ZNF717: variants seen among roughly 807,000 people sequenced by gnomAD.
ZNF717 encodes zinc finger protein 717.
In ZNF717, 9 loss-of-function variants were observed where a neutral mutation model predicts 13.8. The observed-to-expected ratio is 0.65, with a 90% CI of 0.39 to 1.14. The LOEUF (loss-of-function observed/expected upper bound fraction) is 1.14. Among genes scored for constraint, ZNF717 ranks in the 50% most tolerant of loss-of-function variants. ZNF717 has a pLI of 0.01. For synonymous variants in ZNF717, 327 were observed against 364.1 expected (o/e 0.90, Z 1.16); for missense variants, 1,040 against 1,080.7 (o/e 0.96, Z 0.53).
chr3:75,737,629 T>C lies in ZNF717; in HGVS notation c.1994A>G (p.His665Arg), dbSNP rs1352400675. Residue 665 changes from histidine (H) to arginine (R), a missense_variant, in exon 5 of 5, where the codon CAC becomes CGC. By Grantham distance (29) the His-to-Arg change is conservative. This residue lies in a region of ZNF717 where 873 missense variants were observed against 832.8 expected (regional missense o/e 1.05). Coordinates refer to ENST00000652011, the MANE Select transcript of ZNF717 (RefSeq NM_001290208.3). ...GTTTTTCCCCGTGTGAGTTCTCTGG[T>C]GTATGGTGAGGAATGACTTGCGATG... The part of the protein sequence containing the change: ...TFHRKSFLTI[H>R]QRTHTGKNRM... 3 of 1,544,712 alleles carry C rather than the reference T, an allele frequency of 1.9e-6. No individual in the cohort carries two copies. Among genetic ancestry groups the C allele is most frequent in the South Asian group, 2.4e-5 (2 of 83,710 alleles).
At chr3:75,756,487 A>G (rs1295470115) in intron 2 of ZNF717, among the ~76,000 whole-genome samples, 1 of 152,264 alleles carries the variant, frequency 6.6e-6, no homozygotes, top group East Asian at 1.9e-4. Flanking sequence ...TCATGCAACA[A>G]ACACTTAGCC....
Position 75,747,935 on chromosome 3 carries a change from T to G in ZNF717, c.58-6199A>C, listed in dbSNP as rs1375411368. ...TTTTTGAAAAGATCAACAAAATTGA[T>G]AGACCACTAGCAAGACTGATAAAGA... On this transcript the variant is annotated intron_variant, in intron 2 of 4. Transcript: ENST00000652011. Among the ~76,000 whole-genome samples the G allele has an allele frequency of 1.4e-4, 22 of 152,194 alleles. 1 individual carries two copies. Among genetic ancestry groups the G allele is most frequent in the Middle Eastern group, 6.8e-3 (2 of 294 alleles).
chr3:75,770,298 C>T (rs1418648373), intron 2 of ZNF717, among the ~76,000 whole-genome samples: 5 of 152,236 alleles, frequency 3.3e-5, no homozygotes, highest in Non-Finnish European at 5.9e-5. Flanking sequence ...CGGTGGCTCA[C>T]GCCTGCAATC....
At chr3:75,772,834 C>G (rs113651106) in intron 2 of ZNF717, among the ~76,000 whole-genome samples, 1 of 152,040 alleles carries the variant, frequency 6.6e-6, no homozygotes, top group Non-Finnish European at 1.5e-5. Context: ...AAGTGACACC[C>G]CAGGATTCAG....
chr3:75,711,743 C>A (rs1476680160), intron 5 of ZNF717, among the ~76,000 whole-genome samples: 2 of 152,174 alleles, frequency 1.3e-5, no homozygotes, highest in African/African-American at 4.8e-5. Flanking sequence ...CAGAGTGAGA[C>A]CCTGTCTCAA....
At chr3:75,715,298 T>C (rs1938024630) in intron 5 of ZNF717, among the ~76,000 whole-genome samples, 1 of 152,250 alleles carries the variant, frequency 6.6e-6, no homozygotes, top group Non-Finnish European at 1.5e-5. Flanking sequence ...GCAAATCTAT[T>C]TTCTGTTTGC....
exon 6 of ZNF717, chr3:75,730,596 A>G (rs1309764731): frequency 1.4e-6 from 1 of 701,692 alleles, no homozygotes; most frequent in Non-Finnish European, 2.6e-6. Flanking sequence ...ATACAGTTCC[A>G]GAGTTCACAA....
chr3:75,696,931 C>T, intron 6 of ZNF717, among the ~76,000 whole-genome samples: 1 of 151,982 alleles, frequency 6.6e-6, no homozygotes, highest in Non-Finnish European at 1.5e-5. Context: ...GGACAAAATC[C>T]ATATAATCAT....
chr3:75,732,139 G>C (rs1938617009), downstream of ZNF717: 2 of 702,744 alleles, frequency 2.8e-6, no homozygotes, highest in African/African-American at 3.5e-5. Context: ...AAGGAAAAAG[G>C]AAAACCATCT....
At chr3:75,778,112 C>T (rs148985942) in intron 2 of ZNF717, among the ~76,000 whole-genome samples, 164 of 147,406 alleles carry the variant, frequency 1.1e-3, no homozygotes, top group African/African-American at 2.9e-3. Context: ...GTGCTAAAAC[C>T]GGAACCCAAA....
intron 2 of ZNF717, among the ~76,000 whole-genome samples, chr3:75,774,124 T>C (rs1453999933): frequency 2.0e-5 from 3 of 151,430 alleles, no homozygotes; most frequent in Non-Finnish European, 4.4e-5. Flanking sequence ...TTTCTCTCTT[T>C]AAAGAAGATT....
rs1575772629 is a variant in ZNF717 at position 75,739,321 on chromosome 3, A to G, written c.302T>C (p.Ile101Thr). Residue 101 changes from isoleucine to threonine, a missense_variant, in exon 5 of 5, where the codon ATT (isoleucine) becomes ACT (threonine). Coordinates refer to ENST00000652011, the MANE Select transcript of ZNF717 (RefSeq NM_001290208.3). Reference sequence around the variant, plus strand: ...ATCATGACTTTCATGGCTCCTTTCAATAAGGTCATCAATGATCTGGACAGC... The same window carrying G: ...ATCATGACTTTCATGGCTCCTTTCAGTAAGGTCATCAATGATCTGGACAGC... ...LSAVQIIDDL[I>T]ERSHESHDRF... 1 of 1,488,998 alleles carries G rather than the reference A, an allele frequency of 6.7e-7. No individual in the cohort carries two copies. Among genetic ancestry groups the G allele is most frequent in the Non-Finnish European group, 8.9e-7 (1 of 1,120,716 alleles). The allele number at this position is 1,488,998 out of a possible 1,614,324, so 92.2% of individuals were successfully genotyped here. A position where few individuals can be genotyped will look rare whatever the true frequency, so the allele number is the denominator to read the frequency against.
At chr3:75,696,321 G>T (rs1478065487) in intron 6 of ZNF717, among the ~76,000 whole-genome samples, 2 of 152,352 alleles carry the variant, frequency 1.3e-5, no homozygotes, top group African/African-American at 4.8e-5. Flanking sequence ...AATTAAAAAA[G>T]TCTGTAGGAC....
chr3:75,727,853 C>T (rs1190100308), downstream of ZNF717, among the ~76,000 whole-genome samples: 9 of 152,332 alleles, frequency 5.9e-5, no homozygotes, highest in African/African-American at 2.2e-4. Context: ...TAAAAACTGG[C>T]TGGTTTTGTA....
Position 75,741,716 on chromosome 3 carries a change from C to G in ZNF717, c.78G>C (p.Glu26Asp). The G allele has an allele frequency of 1.3e-6, 2 of 1,515,782 alleles. No homozygotes were observed. Among genetic ancestry groups the G allele is most frequent in the Non-Finnish European group, 1.8e-6 (2 of 1,127,738 alleles). 93.9% of individuals were successfully genotyped at this position (1,515,782 alleles called of 1,614,324 possible). Residue 26 changes from glutamate (E) to aspartate (D), a missense_variant, in exon 3 of 5, where the codon GAG becomes GAC. Physicochemically the swap from Glu to Asp is conservative, Grantham distance 45 (BLOSUM62 2). Transcript: ENST00000652011. ...NKSLELVSFEEVAVHFTWEEW... is the reference protein window; with the variant it reads ...NKSLELVSFEDVAVHFTWEEW... ...CCTCCCAGGTGAAGTGCACAGCTAC[C>G]TCCTCAAAGGACACCAACTCCTGTA...
At chr3:75,714,856 A>G (rs368274916) in intron 5 of ZNF717, among the ~76,000 whole-genome samples, 274 of 152,326 alleles carry the variant, frequency 1.8e-3, no homozygotes, top group African/African-American at 5.9e-3. Context: ...TTCTTAAGGG[A>G]TTTCTGAATC....
chr3:75,706,544 G>A (rs1937806497), downstream of ZNF717, among the ~76,000 whole-genome samples: 2 of 152,312 alleles, frequency 1.3e-5, no homozygotes, highest in African/African-American at 2.4e-5. Flanking sequence ...AGGTGAGAAG[G>A]TGAAAGTCCC....
At chr3:75,775,437 T>C (rs80158498) in intron 2 of ZNF717, among the ~76,000 whole-genome samples, 1 of 152,220 alleles carries the variant, frequency 6.6e-6, no homozygotes, top group Non-Finnish European at 1.5e-5. Context: ...CTTAGAAGAT[T>C]CATGAAAGAA....
At chr3:75,777,913 A>G (rs1013209489) in intron 2 of ZNF717, among the ~76,000 whole-genome samples, 1 of 150,934 alleles carries the variant, frequency 6.6e-6, no homozygotes, top group African/African-American at 2.5e-5. Context: ...AACCCAAAAC[A>G]ATGCGAGTGA....
Sources: allele counts gnomAD v4.1 joint callset (sites outside exome capture counted in the v4.1 genomes callset), GRCh38; gene constraint gnomAD v4.1.1; regional missense constraint gnomAD v4.1.1; transcripts MANE v1.5; gene names NCBI Gene and HGNC (gene_info 2026-07-23, HGNC 2026-07-21).